MYO10: variants seen among roughly 807,000 people sequenced by gnomAD.
MYO10 encodes myosin X.
Under a neutral mutation model 257.3 loss-of-function variants are expected in MYO10, and 133 were observed. That is an observed-to-expected ratio of 0.52 (90% CI 0.45 to 0.60). The LOEUF (loss-of-function observed/expected upper bound fraction) is 0.60. Among genes scored for constraint, MYO10 ranks in the 20% least tolerant of loss-of-function variants. MYO10 has a pLI of 0.00. For missense variants in MYO10, 2,399 were observed against 2,635.7 expected, an observed-to-expected ratio of 0.91 and a Z score of 1.97; for synonymous variants, 1,104 against 1,028.6, an observed-to-expected ratio of 1.07 and a Z score of -1.40.
chr5:16,710,763 A>T, intron 21 of MYO10, 145 bp downstream of exon 21: 1 of 671,938 alleles, frequency 1.5e-6, no homozygotes, highest in Non-Finnish European at 2.5e-6. Context: ...GGGAGACAAA[A>T]GGTTATGGTA....
At chr5:16,780,145 G>A (rs534559129) in intron 8 of MYO10, among the ~76,000 whole-genome samples, 7 of 152,120 alleles carry the variant, frequency 4.6e-5, no homozygotes, top group Admixed American at 2.6e-4. Context: ...CCAGTGATCC[G>A]TCTGCTTGGC....
intron 4 of MYO10, among the ~76,000 whole-genome samples, chr5:16,790,165 G>A (rs1215505020): frequency 6.6e-6 from 1 of 151,836 alleles, no homozygotes; most frequent in African/African-American, 2.4e-5. Flanking sequence ...ACCAGTCCAG[G>A]ACATGGTTAA....
At chr5:16,920,174 T>C (rs1477899081) in intron 1 of MYO10, among the ~76,000 whole-genome samples, 2 of 152,110 alleles carry the variant, frequency 1.3e-5, no homozygotes, top group Non-Finnish European at 2.9e-5. Flanking sequence ...CTTGGGAGTC[T>C]GAGGCAGGAG....
intron 19 of MYO10, among the ~76,000 whole-genome samples, chr5:16,714,549 G>A (rs1253639283): frequency 6.6e-6 from 1 of 152,126 alleles, no homozygotes; most frequent in Admixed American, 6.6e-5. Flanking sequence ...GCAGCAGCTG[G>A]GTATATTCTG....
intron 19 of MYO10, among the ~76,000 whole-genome samples, chr5:16,723,783 C>T (rs951579327): frequency 6.6e-6 from 1 of 152,294 alleles, no homozygotes; most frequent in East Asian, 1.9e-4. Context: ...TATTCAAAAG[C>T]TATCAAGCCA....
intron 2 of MYO10, among the ~76,000 whole-genome samples, chr5:16,829,463 C>G (rs528647476): frequency 6.6e-6 from 1 of 152,270 alleles, no homozygotes; most frequent in Admixed American, 6.5e-5. Flanking sequence ...GAGGAGCAAT[C>G]GCCACAAACA....
At chr5:16,704,127 C>T (rs1451692771) in intron 22 of MYO10, among the ~76,000 whole-genome samples, 1 of 151,800 alleles carries the variant, frequency 6.6e-6, no homozygotes, top group Non-Finnish European at 1.5e-5. Context: ...TTGAGACCCT[C>T]CTGGGCAACA....
chr5:16,894,161 C>T (rs1055518978), intron 1 of MYO10, among the ~76,000 whole-genome samples: 9 of 152,196 alleles, frequency 5.9e-5, no homozygotes, highest in African/African-American at 2.2e-4. Context: ...TTACCATGAA[C>T]TCAATGCCAC....
chr5:16,769,237 G>A (rs376568393), intron 9 of MYO10, 34 bp from the exon 10 acceptor site: 85 of 1,548,710 alleles, frequency 5.5e-5, no homozygotes, highest in South Asian at 1.9e-4. Flanking sequence ...ATTTTATGTC[G>A]TTTTTTCACA....
intron 25 of MYO10, among the ~76,000 whole-genome samples, chr5:16,700,100 C>T (rs537880970): frequency 4.9e-4 from 74 of 152,110 alleles, no homozygotes; most frequent in African/African-American, 1.2e-3. Context: ...ACGACCAAAG[C>T]GACAAAATAA....
At position 16,826,167 on chromosome 5, in the gene MYO10, A is replaced by C. The variant is rs1742994227; in HGVS notation, c.121-8000T>G. On this transcript the variant is annotated intron_variant, in intron 2 of 40. Coordinates refer to ENST00000513610, the MANE Select transcript of MYO10 (RefSeq NM_012334.3). ...TCAGTCTCGAAAAACAAAACATAGT[A>C]ATAAAAAAAAAAACACAACAAAAAA... is the stretch of plus-strand genomic sequence containing the variant. Among the ~76,000 whole-genome samples the C allele has an allele frequency of 2.0e-5, 3 of 151,274 alleles. No homozygotes were observed. The South Asian group carries it at 6.2e-4, about 31-fold the overall frequency.
intron 30 of MYO10, among the ~76,000 whole-genome samples, chr5:16,683,022 C>T (rs973306941): frequency 2.0e-5 from 3 of 152,038 alleles, no homozygotes; most frequent in African/African-American, 7.2e-5. Context: ...ATGACACATA[C>T]GTGTTAAAGA....
chr5:16,670,728 C>T lies in MYO10; in HGVS notation c.5681G>A (p.Arg1894Gln), dbSNP rs1157769995. 19 of 1,614,016 alleles carry T rather than the reference C, an allele frequency of 1.2e-5. No individual in the cohort carries two copies. The highest frequency in any genetic ancestry group is 1.2e-4 in the Admixed American group (7 of 60,022). Residue 1894 changes from arginine to glutamine, a missense_variant, in exon 39 of 41, where the codon CGG becomes CAG. Physicochemically the swap from Arg to Gln is conservative, Grantham distance 43. Coordinates refer to ENST00000513610, the MANE Select transcript of MYO10 (RefSeq NM_012334.3). Reference sequence around the variant, plus strand: ...CTTCTGCCGGACCACGGATCCTGTCCGGAAGCTCCGCCTCAGGGTCCCCTC... The same window carrying T: ...CTTCTGCCGGACCACGGATCCTGTCTGGAAGCTCCGCCTCAGGGTCCCCTC... ...FLEGTLRRSF[R>Q]TGSVVRQKVE...
At chr5:16,888,744 CTT>C (rs1421143329) in intron 1 of MYO10, among the ~76,000 whole-genome samples, 1 of 150,556 alleles carries the variant, frequency 6.6e-6, no homozygotes, top group Admixed American at 6.6e-5. Flanking sequence ...ACCCCCATCT[CTT>C]AAAAAAAAAA....
At chr5:16,926,599 G>C (rs561387350) in intron 1 of MYO10, among the ~76,000 whole-genome samples, 3 of 152,200 alleles carry the variant, frequency 2.0e-5, no homozygotes, top group African/African-American at 7.2e-5. Flanking sequence ...CTACGTGGGA[G>C]GCTGAGGCAG....
At chr5:16,874,068 C>T (rs1002465454) in intron 2 of MYO10, among the ~76,000 whole-genome samples, 9 of 152,172 alleles carry the variant, frequency 5.9e-5, no homozygotes, top group Non-Finnish European at 1.2e-4. Flanking sequence ...GGCATGGTGG[C>T]TCACGCCTGT....
chr5:16,704,656 T>G lies in MYO10; in HGVS notation c.2199A>C (p.Lys733Asn). The G allele has an allele frequency of 1.2e-6, 2 of 1,613,934 alleles. No homozygotes were observed. Among genetic ancestry groups the G allele is most frequent in the Non-Finnish European group, 1.7e-6 (2 of 1,179,884 alleles). Residue 733 changes from lysine to asparagine, a missense_variant, in exon 22 of 41, where the codon AAA (lysine) becomes AAC (asparagine). By Grantham distance (94) the Lys-to-Asn change is moderately conservative (BLOSUM62 0). Transcript: ENST00000513610. ...CTTCCTCTTCCCTCCGCTTCTCCAG[T>G]TTCTGTTCCAAGGATTCTCGAAGAA... The part of the protein sequence containing the change: ...KVFLRESLEQ[K>N]LEKRREEEVS...
chr5:16,740,447 C>T (rs1045493307), intron 19 of MYO10, among the ~76,000 whole-genome samples: 1 of 152,038 alleles, frequency 6.6e-6, no homozygotes, highest in Non-Finnish European at 1.5e-5. Context: ...ACAGTGGGAG[C>T]AGGAGTGCCA....
rs371270712 is a variant in MYO10 at position 16,704,642 on chromosome 5, C to A, written c.2213G>T (p.Arg738Met). 11 of 1,613,958 alleles carry A rather than the reference C, an allele frequency of 6.8e-6. No individual in the cohort carries two copies. Among genetic ancestry groups the A allele is most frequent in the Non-Finnish European group, 9.3e-6 (11 of 1,179,894 alleles). ...GGCCGCGTGGCTCACTTCCTCTTCC[C>A]TCCGCTTCTCCAGTTTCTGTTCCAA... is the stretch of plus-strand genomic sequence containing the variant. ...ESLEQKLEKR[R>M]EEEVSHAAMV... The change falls in exon 22 of 41, where the codon AGG becomes ATG. Residue 738 changes from arginine to methionine, a missense_variant. Physicochemically the swap from Arg to Met is moderately conservative, Grantham distance 91 (BLOSUM62 -1). Coordinates refer to ENST00000513610, the MANE Select transcript of MYO10 (RefSeq NM_012334.3).
Sources: allele counts gnomAD v4.1 joint callset (sites outside exome capture counted in the v4.1 genomes callset), GRCh38; gene constraint gnomAD v4.1.1; transcripts MANE v1.5; gene names NCBI Gene and HGNC (gene_info 2026-07-23, HGNC 2026-07-21).